The following SGMS2 variants were observed in gnomAD, a reference collection of about 807,000 sequenced individuals.
SGMS2 encodes phosphatidylcholine:ceramide cholinephosphotransferase 2.
A neutral mutation model predicts 43.8 loss-of-function variants in SGMS2; 21 were observed. That is an observed-to-expected ratio of 0.48 (90% CI 0.34 to 0.69). The LOEUF (loss-of-function observed/expected upper bound fraction) is 0.69, where lower values mean the gene tolerates loss of function less well. Ranked by LOEUF, SGMS2 falls within the 30% of genes least tolerant of loss-of-function variation. The probability of loss-of-function intolerance (pLI) is 0.01; values close to 1 mark genes in which losing one functional copy is unlikely to be tolerated. For synonymous variants in SGMS2, 167 were observed against 160.6 expected, an observed-to-expected ratio of 1.04 and a Z score of -0.30; for missense variants, 384 against 443.2, an observed-to-expected ratio of 0.87 and a Z score of 1.20.
rs574256821 is a variant in SGMS2, at chr4:107,845,413, C to T, written c.-326-13059C>T. The stretch of plus-strand genomic sequence containing the variant: ...ACTGAGAAGCATTGTGAGGTGTGCT[C>T]TGCACCTTCCTCTGTTGTGTGTGGT... On this transcript the variant is annotated intron_variant, in intron 1 of 6. Coordinates refer to ENST00000690982, the MANE Select transcript of SGMS2 (RefSeq NM_001375905.1). Among the ~76,000 whole-genome samples the T allele has an allele frequency of 2.0e-5, 3 of 152,326 alleles. No individual in the cohort carries two copies. The South Asian group carries it at 6.2e-4, about 32-fold the overall frequency.
In SGMS2 at chr4:107,914,950, T is replaced by C. The variant is rs1732361933; in HGVS notation, c.*4397T>C. 6.6e-6 allele frequency: 1 copy of C among 152,192 alleles called. No individual in the cohort carries two copies. Among genetic ancestry groups the C allele is most frequent in the African/African-American group, 2.4e-5 (1 of 41,458 alleles). 9.4% of individuals were successfully genotyped at this position (152,192 alleles called of 1,614,324 possible). A position where few individuals can be genotyped will look rare whatever the true frequency, so the allele number is the denominator to read the frequency against. On this transcript the variant is annotated 3_prime_UTR_variant, in exon 7 of 7. Transcript: ENST00000690982. ...CTAAAGAGGATATGTGTACTTGGTT[T>C]CTAATCTCTTTGGTTTTGCTTTTTA...
At chr4:107,867,365 G>C (rs1728205291) in intron 2 of SGMS2, 1 of 152,200 alleles carries the variant, frequency 6.6e-6, no homozygotes, top group South Asian at 2.1e-4. Context: ...GTTGATTCTG[G>C]AACATTTTTC....
At chr4:107,876,834 C>G (rs1407881354) in intron 2 of SGMS2, among the ~76,000 whole-genome samples, 1 of 151,940 alleles carries the variant, frequency 6.6e-6, no homozygotes, top group East Asian at 1.9e-4. Flanking sequence ...TGATTATGAT[C>G]TATTTACTTA....
chr4:107,859,290 T>C (rs1442010004), intron 2 of SGMS2, among the ~76,000 whole-genome samples: 11 of 152,134 alleles, frequency 7.2e-5, no homozygotes, highest in Non-Finnish European at 2.9e-5. Context: ...ATCATTACTG[T>C]TTATTGTGGT....
intron 3 of SGMS2, among the ~76,000 whole-genome samples, chr4:107,896,830 G>A (rs932034193): frequency 6.6e-6 from 1 of 152,096 alleles, no homozygotes; most frequent in Non-Finnish European, 1.5e-5. Context: ...CCATAAAAAC[G>A]AAGGCTCCTT....
At chr4:107,872,370 G>A (rs910493070) in intron 2 of SGMS2, among the ~76,000 whole-genome samples, 8 of 152,020 alleles carry the variant, frequency 5.3e-5, no homozygotes, top group African/African-American at 1.2e-4. Context: ...CTTTGTCTTC[G>A]TAGCAGTTTT....
At chr4:107,859,269 T>C (rs1727596734) in intron 2 of SGMS2, among the ~76,000 whole-genome samples, 1 of 152,194 alleles carries the variant, frequency 6.6e-6, no homozygotes, top group African/African-American at 2.4e-5. Flanking sequence ...TTTTGTTTTT[T>C]TTTACTTTTT....
Position 107,908,663 on chromosome 4 carries a change from G to A in SGMS2, c.826G>A (p.Asp276Asn), listed in dbSNP as rs771714964. 7 of 1,613,804 alleles carry A rather than the reference G, an allele frequency of 4.3e-6. No individual in the cohort carries two copies. Among genetic ancestry groups the A allele is most frequent in the Admixed American group, 3.3e-5 (2 of 59,968 alleles). ...ILVAHEHYTI[D>N]VIIAYYITTR... Reference sequence around the variant, plus strand: ...TGTAGCACACGAACACTACACTATCGATGTGATCATTGCTTATTATATCAC... The same window carrying A: ...TGTAGCACACGAACACTACACTATCAATGTGATCATTGCTTATTATATCAC... Residue 276 changes from aspartate to asparagine, a missense_variant, in exon 6 of 7, where the codon GAT becomes AAT. Physicochemically the swap from Asp to Asn is conservative, Grantham distance 23. Coordinates refer to ENST00000690982, the MANE Select transcript of SGMS2 (RefSeq NM_001375905.1).
At chr4:107,846,881 T>C (rs1033892202) in intron 1 of SGMS2, among the ~76,000 whole-genome samples, 30 of 151,638 alleles carry the variant, frequency 2.0e-4, no homozygotes, top group Middle Eastern at 6.9e-3. Flanking sequence ...GAGCATTTTT[T>C]CATGTGTCTT....
In SGMS2 at chr4:107,910,595, A is replaced by C; in HGVS notation, c.*42A>C. ...ATCAGCTCTTACACCAAAAGAGTTA[A>C]CGCTGTAACCAAAGGTATAGTTTTG... On this transcript the variant is annotated 3_prime_UTR_variant, in exon 7 of 7. Coordinates refer to ENST00000690982, the MANE Select transcript of SGMS2 (RefSeq NM_001375905.1). 1.3e-6 allele frequency: 2 copies of C among 1,580,776 alleles called. No homozygotes were observed. Among genetic ancestry groups the C allele is most frequent in the Middle Eastern group, 1.7e-4 (1 of 5,958 alleles).
chr4:107,879,024 ATTG>A (rs1332967551), intron 2 of SGMS2, among the ~76,000 whole-genome samples: 5 of 150,926 alleles, frequency 3.3e-5, no homozygotes, highest in Non-Finnish European at 7.4e-5. Context: ...TCTACAGTTT[ATTG>A]TTTTCAAATT....
intron 2 of SGMS2, chr4:107,886,916 C>CA (rs1171766952): frequency 6.6e-6 from 1 of 152,098 alleles, no homozygotes; most frequent in Non-Finnish European, 1.5e-5. Flanking sequence ...CAATAGTTTC[C>CA]AAATTCTTGA....
intron 2 of SGMS2, among the ~76,000 whole-genome samples, chr4:107,862,973 TCGC>T (rs1727844682): frequency 6.6e-6 from 1 of 152,198 alleles, no homozygotes; most frequent in Non-Finnish European, 1.5e-5. Flanking sequence ...CTAGAGCTTC[TCGC>T]TTATGTGTTA....
chr4:107,872,602 A>G (rs1035025612), intron 2 of SGMS2, among the ~76,000 whole-genome samples: 1 of 152,094 alleles, frequency 6.6e-6, no homozygotes, highest in Non-Finnish European at 1.5e-5. Flanking sequence ...CCCAGGAGTT[A>G]GAGGCTGCAG....
intron 5 of SGMS2, 84 bp downstream of exon 5, chr4:107,903,470 T>C: frequency 7.6e-7 from 1 of 1,322,332 alleles, no homozygotes; most frequent in Non-Finnish European, 1.1e-6. Context: ...GCCCTTATTC[T>C]CTTGGGATTG....
At chr4:107,899,775 C>A (rs1323169687) in intron 4 of SGMS2, 83 bp downstream of exon 4, 1 of 806,032 alleles carries the variant, frequency 1.2e-6, no homozygotes, top group Non-Finnish European at 1.9e-6. Flanking sequence ...TTCTTCTAGA[C>A]ACTTCCCTAT....
At position 107,838,709 on chromosome 4, in the gene SGMS2, C is replaced by CTT. The variant is rs964254968; in HGVS notation, c.-327+13466_-327+13467dup. On this transcript the variant is annotated intron_variant, in intron 1 of 6. Transcript: ENST00000690982. ...CAGAGTGCCTTGAGCAGAGTTTATC[C>CTT]TTTTTTTTTTTAAGTATTTCCTAGC... Among the ~76,000 whole-genome samples, 101 of 145,830 alleles carry CTT rather than the reference C, an allele frequency of 6.9e-4. 1 individual carries two copies. Among genetic ancestry groups the CTT allele is most frequent in the African/African-American group, 2.3e-3 (90 of 39,888 alleles).
At chr4:107,829,995 C>T (rs1157073350) in intron 1 of SGMS2, among the ~76,000 whole-genome samples, 2 of 152,096 alleles carry the variant, frequency 1.3e-5, no homozygotes, top group Non-Finnish European at 2.9e-5. Flanking sequence ...TAGCATAGTA[C>T]CTGATAGGTA....
rs1179379158 is a variant in SGMS2 at position 107,914,492 on chromosome 4, A to G, written c.*3939A>G. ...GTATATTCACAAAAGAAATATTATT[A>G]CAAGGTTTCAGAGGTAGCCAATTGC... On this transcript the variant is annotated 3_prime_UTR_variant, in exon 7 of 7. Transcript: ENST00000690982. The G allele has an allele frequency of 6.6e-6, 1 of 152,138 alleles. No individual in the cohort carries two copies. The highest frequency in any genetic ancestry group is 2.4e-5 in the African/African-American group (1 of 41,452). The allele number at this position is 152,138 out of a possible 1,614,324, so 9.4% of individuals were successfully genotyped here.
Sources: gnomAD v4.1 joint callset for allele counts (sites outside exome capture counted in the v4.1 genomes callset) on GRCh38, gnomAD v4.1.1 for gene constraint, MANE v1.5 for transcripts, NCBI Gene and HGNC (gene_info 2026-07-23, HGNC 2026-07-21) for gene names.